DNAH12: variants seen among roughly 807,000 people sequenced by gnomAD.
The protein encoded by DNAH12 is dynein axonemal heavy chain 12, also known as axonemal beta dynein heavy chain 12.
A neutral mutation model predicts 371.5 loss-of-function variants in DNAH12; 285 were observed. That is an observed-to-expected ratio of 0.77 (90% CI 0.70 to 0.85). The LOEUF is 0.85. Ranked by LOEUF, DNAH12 falls within the 40% of genes least tolerant of loss-of-function variation. DNAH12 has a pLI of 0.00. For synonymous variants in DNAH12, 1,200 were observed against 1,213.0 expected, an observed-to-expected ratio of 0.99 and a Z score of 0.22; for missense variants, 3,611 against 3,689.4, an observed-to-expected ratio of 0.98 and a Z score of 0.55.
At chr3:57,416,479 G>T (rs187510283) in intron 37 of DNAH12, among the ~76,000 whole-genome samples, 1 of 152,244 alleles carries the variant, frequency 6.6e-6, no homozygotes, top group Admixed American at 6.5e-5. Flanking sequence ...GTAATAATAT[G>T]CTTAACTTTT....
Position 57,316,425 on chromosome 3 carries a change from T to C in DNAH12, c.10525-1794A>G, listed in dbSNP as rs117290111. On this transcript the variant is annotated intron_variant, in intron 65 of 73. Coordinates refer to ENST00000495027, the MANE Select transcript of DNAH12 (RefSeq NM_001366028.2). ...TCATAATAGTTGTGCATATTAAACA[T>C]ACTTCTTGTGCCTACTTCAAATATC... Among the ~76,000 whole-genome samples the C allele has an allele frequency of 1.1e-3, 162 of 152,316 alleles. 1 individual carries two copies. The East Asian group carries it at 0.022, about 21-fold the overall frequency.
chr3:57,296,916 T>C lies in DNAH12; in HGVS notation c.11463A>G (p.Leu3821=). The change falls in exon 71 of 74, where the codon TTA becomes TTG. Residue 3821 remains leucine (L), a synonymous_variant. Coordinates refer to ENST00000495027, the MANE Select transcript of DNAH12 (RefSeq NM_001366028.2). ...LSGFFFTQAF[L]TGAMQNYARK... ...TGGCATAATTCTGCATAGCTCCAGT[T>C]AAAAAGGCCTGAGTGAAAAAGAAAC... 1 of 1,551,666 alleles carries C rather than the reference T, an allele frequency of 6.4e-7. No homozygotes were observed. Among genetic ancestry groups the C allele is most frequent in the Non-Finnish European group, 8.7e-7 (1 of 1,146,996 alleles).
chr3:57,461,725 A>G (rs1038930361), intron 18 of DNAH12, 36 bp from the exon 19 acceptor site: 27 of 1,503,496 alleles, frequency 1.8e-5, no homozygotes, highest in Non-Finnish European at 2.4e-5. Flanking sequence ...CGGGATGGTG[A>G]AGAAAGGATC....
intron 72 of DNAH12, among the ~76,000 whole-genome samples, chr3:57,295,931 A>T (rs1004390784): frequency 1.6e-4 from 25 of 152,174 alleles, no homozygotes; most frequent in Admixed American, 1.4e-3. Flanking sequence ...GTGAAGCAGG[A>T]AATTCAGTAT....
chr3:57,433,689 T>C lies in DNAH12; in HGVS notation c.4795A>G (p.Thr1599Ala). 1 of 1,550,940 alleles carries C rather than the reference T, an allele frequency of 6.4e-7. No individual in the cohort carries two copies. Among genetic ancestry groups the C allele is most frequent in the Non-Finnish European group, 8.7e-7 (1 of 1,146,856 alleles). Residue 1599 changes from threonine (T) to alanine (A), a missense_variant, in exon 31 of 74, where the codon ACT (threonine) becomes GCT (alanine). Transcript: ENST00000495027. Reference sequence around the variant, plus strand: ...AACTGTCCAAAAAGTTGGCCCATAGTAATAGATTTGGGGTTTACAGTTCTA... The same window carrying C: ...AACTGTCCAAAAAGTTGGCCCATAGCAATAGATTTGGGGTTTACAGTTCTA... ...IYRTVNPKSI[T>A]MGQLFGQFDP...
At chr3:57,295,449 A>G (rs1445686069) in intron 73 of DNAH12, 76 bp downstream of exon 73, 1 of 1,274,570 alleles carries the variant, frequency 7.8e-7, no homozygotes, top group African/African-American at 1.5e-5. Context: ...GCAAAAACTT[A>G]TTTTGGGGAG....
upstream of DNAH12, among the ~76,000 whole-genome samples, chr3:57,547,334 T>G (rs1016771671): frequency 2.0e-5 from 3 of 152,012 alleles, no homozygotes; most frequent in Non-Finnish European, 4.4e-5. Context: ...AAAAAAAATT[T>G]TATTATAGAG....
chr3:57,362,441 C>T (rs1267912996), intron 58 of DNAH12, among the ~76,000 whole-genome samples: 1 of 152,068 alleles, frequency 6.6e-6, no homozygotes, highest in Non-Finnish European at 1.5e-5. Flanking sequence ...CAAAGTGCCA[C>T]ACTGTCTTCC....
At chr3:57,485,375 C>T (rs1293687866) in intron 12 of DNAH12, among the ~76,000 whole-genome samples, 5 of 151,826 alleles carry the variant, frequency 3.3e-5, no homozygotes, top group Admixed American at 3.3e-4. Context: ...ATGTCCTTTG[C>T]TGTAACTTGG....
intron 69 of DNAH12, among the ~76,000 whole-genome samples, chr3:57,305,969 T>C (rs976274913): frequency 3.9e-5 from 6 of 152,216 alleles, no homozygotes; most frequent in African/African-American, 1.2e-4. Context: ...GCCAGAAATC[T>C]GGCCACTGGG....
Position 57,389,837 on chromosome 3 carries a change from T to A in DNAH12, c.7305+2035A>T, listed in dbSNP as rs959072516. Among the ~76,000 whole-genome samples the A allele has an allele frequency of 2.6e-5, 3 of 115,460 alleles. 1 individual carries two copies. Among genetic ancestry groups the A allele is most frequent in the East Asian group, 5.0e-4 (1 of 2,012 alleles). The allele number at this position is 115,460 out of a possible 152,430, so 75.7% of individuals were successfully genotyped here. Reference sequence around the variant, plus strand: ...GTGTGTGTGTGTATATATATATATATATAATACTTTTTTTTTTGAAATGGA... The same window carrying A: ...GTGTGTGTGTGTATATATATATATAAATAATACTTTTTTTTTTGAAATGGA... On this transcript the variant is annotated intron_variant, in intron 45 of 73. Coordinates refer to ENST00000495027, the MANE Select transcript of DNAH12 (RefSeq NM_001366028.2).
intron 62 of DNAH12, among the ~76,000 whole-genome samples, chr3:57,332,680 G>C (rs2062127295): frequency 6.6e-6 from 1 of 152,186 alleles, no homozygotes; most frequent in East Asian, 1.9e-4. Context: ...TCCAGGCAGA[G>C]TTCAGAAATC....
chr3:57,329,117 G>GCA (rs1278943899), intron 62 of DNAH12, among the ~76,000 whole-genome samples: 1 of 148,630 alleles, frequency 6.7e-6, no homozygotes, highest in African/African-American at 2.5e-5. Flanking sequence ...AATCAATATT[G>GCA]TGAAAATGGC....
chr3:57,436,840 G>A (rs76285333), intron 30 of DNAH12, 111 bp downstream of exon 30: 103,940 of 697,914 alleles, frequency 0.15, 8,277 homozygotes, highest in South Asian at 0.21. Flanking sequence ...GCGGGCGGGG[G>A]TTGCTCTCAA....
chr3:57,297,000 A>G lies in DNAH12; in HGVS notation c.11395-16T>C, dbSNP rs781361874. 82 of 1,550,512 alleles carry G rather than the reference A, an allele frequency of 5.3e-5. No homozygotes were observed. Among genetic ancestry groups the G allele is most frequent in the African/African-American group, 8.2e-5 (6 of 72,966 alleles). On this transcript the variant is annotated splice_polypyrimidine_tract_variant and intron_variant, in intron 70 of 73. Coordinates refer to ENST00000495027, the MANE Select transcript of DNAH12 (RefSeq NM_001366028.2). ...TATACCAGTCCTACAAAGGGAAAAC[A>G]AAACACATTATGTCAGTTTTTAAAG...
intron 60 of DNAH12, 108 bp from the exon 61 acceptor site, chr3:57,335,048 A>G (rs2062190733): frequency 2.6e-6 from 3 of 1,169,662 alleles, no homozygotes; most frequent in Non-Finnish European, 3.5e-6. Context: ...GTACTTACCC[A>G]CCTGCTGTAA....
intron 36 of DNAH12, among the ~76,000 whole-genome samples, chr3:57,420,960 C>T (rs2064560373): frequency 6.6e-6 from 1 of 150,526 alleles, no homozygotes; most frequent in African/African-American, 2.5e-5. Context: ...CTTGTGTTAC[C>T]ACCTCTTTTT....
chr3:57,346,702 T>C lies in DNAH12; in HGVS notation c.9674+5383A>G, dbSNP rs143454106. Among the ~76,000 whole-genome samples the C allele has an allele frequency of 1.2e-4, 19 of 152,278 alleles. No homozygotes were observed. The East Asian group carries it at 3.1e-3, about 25-fold the overall frequency. On this transcript the variant is annotated intron_variant, in intron 60 of 73. Transcript: ENST00000495027. ...AAAAGCAAGACCCAACTATATGCTG[T>C]CTACAGGAAACCCACTTTAAACATA...
At chr3:57,499,621 C>T (rs1328816176) in intron 11 of DNAH12, among the ~76,000 whole-genome samples, 3 of 30,002 alleles carry the variant, frequency 1.0e-4, no homozygotes, top group Admixed American at 7.4e-4. Context: ...TAAGGAGACA[C>T]CATCTCTACA....
Sources: gnomAD v4.1 joint callset for allele counts (sites outside exome capture counted in the v4.1 genomes callset) on GRCh38, gnomAD v4.1.1 for gene constraint, MANE v1.5 for transcripts, NCBI Gene and HGNC (gene_info 2026-07-23, HGNC 2026-07-21) for gene names.